PRELID2: variants seen among roughly 807,000 people sequenced by gnomAD.
PRELID2 encodes PRELI domain-containing protein 2.
Under a neutral mutation model 28.4 loss-of-function variants are expected in PRELID2, and 25 were observed. That is an observed-to-expected ratio of 0.88 (90% confidence interval 0.64 to 1.23). The LOEUF is 1.23. Among genes scored for constraint, PRELID2 ranks in the 50% most tolerant of loss-of-function variants. PRELID2 has a pLI of 0.00. For synonymous variants in PRELID2, 76 were observed against 71.6 expected (o/e 1.06, Z -0.31); for missense variants, 201 against 214.4 (o/e 0.94, Z 0.39).
chr5:145,744,550 G>A lies in PRELID2; in HGVS notation n.70+20381C>T, dbSNP rs967969279. Among the ~76,000 whole-genome samples, 6 of 152,098 alleles carry A rather than the reference G, an allele frequency of 3.9e-5. No individual in the cohort carries two copies. In the East Asian group the frequency reaches 5.8e-4, roughly 15 times the overall value. ...CTTCTTGAGTGACATCGCCAGGCGC[G>A]GTAGTGAACCAGATGAATAGGGCCT... On this transcript the variant is annotated intron_variant and non_coding_transcript_variant, in intron 1 of 2. Transcript: ENST00000510259.
chr5:145,536,866 C>A (rs1191267203), intron 1 of PRELID2, among the ~76,000 whole-genome samples: 3 of 151,686 alleles, frequency 2.0e-5, no homozygotes, highest in African/African-American at 4.8e-5. Context: ...GGTGTAGGTG[C>A]ATGGAGGGGT....
At chr5:145,266,770 C>T in the PRELID2 span, among the ~76,000 whole-genome samples, 1 of 152,040 alleles carries the variant, frequency 6.6e-6, no homozygotes, top group Non-Finnish European at 1.5e-5. Context: ...TTTACAATTG[C>T]AAATATATGG....
At chr5:145,315,970 T>C in the PRELID2 span, among the ~76,000 whole-genome samples, 2 of 152,212 alleles carry the variant, frequency 1.3e-5, no homozygotes. Flanking sequence ...CTACATTTAC[T>C]ATTATCTATA....
intron 1 of PRELID2, among the ~76,000 whole-genome samples, chr5:145,571,201 A>G (rs1462796424): frequency 6.6e-6 from 1 of 152,230 alleles, no homozygotes; most frequent in African/African-American, 2.4e-5. Context: ...TGGACACGTT[A>G]TCTACTCTCT....
At chr5:145,667,359 T>C (rs552738083) in intron 1 of PRELID2, among the ~76,000 whole-genome samples, 2 of 152,212 alleles carry the variant, frequency 1.3e-5, no homozygotes, top group South Asian at 2.1e-4. Flanking sequence ...TACACAGTTG[T>C]ATATTTTGAT....
chr5:145,383,392 G>A, the PRELID2 span, among the ~76,000 whole-genome samples: 1 of 148,566 alleles, frequency 6.7e-6, no homozygotes, highest in South Asian at 2.1e-4. Flanking sequence ...ATATGTGGAT[G>A]TGTGTGTGTG....
chr5:145,331,259 G>A, the PRELID2 span, among the ~76,000 whole-genome samples: 11 of 152,094 alleles, frequency 7.2e-5, no homozygotes, highest in African/African-American at 2.7e-4. Flanking sequence ...TGTTGATTTG[G>A]GGTGGAGAGT....
intron 1 of PRELID2, among the ~76,000 whole-genome samples, chr5:145,474,082 A>G (rs1260778008): frequency 1.3e-5 from 2 of 152,208 alleles, no homozygotes; most frequent in African/African-American, 4.8e-5. Context: ...TTGATAGCAA[A>G]GAAAAGTACT....
intron 1 of PRELID2, among the ~76,000 whole-genome samples, chr5:145,740,301 T>C (rs1332394675): frequency 1.0e-5 from 1 of 97,372 alleles, no homozygotes; most frequent in Non-Finnish European, 2.1e-5. Flanking sequence ...TATATATATA[T>C]ATATATATAT....
intron 5 of PRELID2, among the ~76,000 whole-genome samples, chr5:145,767,547 G>A (rs190360389): frequency 5.0e-4 from 76 of 152,196 alleles, no homozygotes; most frequent in African/African-American, 1.7e-3. Flanking sequence ...ACTATAACAC[G>A]CACTCCCTGG....
intron 1 of PRELID2, among the ~76,000 whole-genome samples, chr5:145,554,277 A>C (rs566247390): frequency 6.6e-6 from 1 of 152,330 alleles, no homozygotes; most frequent in Non-Finnish European, 1.5e-5. Context: ...ACTTAAAAGT[A>C]ACCACCAGTG....
At chr5:145,551,959 C>T (rs925150493) in intron 1 of PRELID2, among the ~76,000 whole-genome samples, 2 of 152,194 alleles carry the variant, frequency 1.3e-5, no homozygotes, top group African/African-American at 4.8e-5. Flanking sequence ...CTCCCGCCTT[C>T]TGTCTCCCCA....
chr5:145,610,039 G>C (rs909169323), intron 1 of PRELID2, among the ~76,000 whole-genome samples: 1 of 152,198 alleles, frequency 6.6e-6, no homozygotes, highest in Non-Finnish European at 1.5e-5. Context: ...TGCTGGACTG[G>C]AGAGATGACC....
the PRELID2 span, among the ~76,000 whole-genome samples, chr5:145,259,071 C>T: frequency 6.6e-6 from 1 of 152,174 alleles, no homozygotes. Flanking sequence ...TTGGCAGCTT[C>T]CACGTGGTAT....
chr5:145,724,647 A>ATATATATATATATATAT (rs67887334), intron 1 of PRELID2, among the ~76,000 whole-genome samples: 11 of 121,786 alleles, frequency 9.0e-5, no homozygotes, highest in Non-Finnish European at 1.9e-4. Flanking sequence ...ATATATATAT[A>ATATATATATATATATAT]ATGCCTGTAA....
intron 1 of PRELID2, among the ~76,000 whole-genome samples, chr5:145,565,855 A>G (rs1433220433): frequency 1.3e-5 from 2 of 152,188 alleles, no homozygotes; most frequent in African/African-American, 4.8e-5. Context: ...TTTAAGTTTC[A>G]TTGGCTCATG....
chr5:145,280,018 C>T, the PRELID2 span, among the ~76,000 whole-genome samples: 94 of 152,158 alleles, frequency 6.2e-4, 1 homozygote, highest in African/African-American at 2.1e-3. Context: ...ACACGTTTTT[C>T]GTTAAGATAC....
chr5:145,791,363 G>A (rs970483402), intron 5 of PRELID2, among the ~76,000 whole-genome samples: 6 of 152,152 alleles, frequency 3.9e-5, no homozygotes, highest in African/African-American at 1.4e-4. Flanking sequence ...AACAAAATGT[G>A]ATATATACAA....
the PRELID2 span, among the ~76,000 whole-genome samples, chr5:145,442,029 G>A: frequency 2.0e-5 from 3 of 152,220 alleles, no homozygotes; most frequent in East Asian, 5.8e-4. Context: ...AAAGATAGGA[G>A]ACTCTCCAAC....
Sources: allele counts gnomAD v4.1 joint callset (sites outside exome capture counted in the v4.1 genomes callset), GRCh38; gene constraint gnomAD v4.1.1; transcripts MANE v1.5; gene names NCBI Gene and HGNC (gene_info 2026-07-23, HGNC 2026-07-21).